CRY2: variants seen among roughly 807,000 people sequenced by gnomAD.
CRY2 encodes cryptochrome-2.
CRY2 carries 31 observed loss-of-function variants against 69.5 expected under a neutral mutation model. The observed-to-expected ratio is 0.45, with a 90% confidence interval of 0.34 to 0.60. The LOEUF is 0.60. Ranked by LOEUF, CRY2 falls within the 20% of genes least tolerant of loss-of-function variation. The pLI, the probability that CRY2 is intolerant of heterozygous loss-of-function variation, is 0.02. For missense variants in CRY2, 606 were observed against 797.8 expected (o/e 0.76, Z 2.90); for synonymous variants, 303 against 312.2 (o/e 0.97, Z 0.31).
intron 3 of CRY2, among the ~76,000 whole-genome samples, chr11:45,860,402 A>AC (rs1379193366): frequency 2.0e-5 from 3 of 151,740 alleles, no homozygotes; most frequent in East Asian, 1.9e-4. Flanking sequence ...AAAAAAAAAA[A>AC]AAAACATGTC....
At chr11:45,870,306 G>A (rs767357262) in intron 8 of CRY2, 24 bp from the exon 9 acceptor site, 1 of 1,614,050 alleles carries the variant, frequency 6.2e-7, no homozygotes, top group South Asian at 1.1e-5. Flanking sequence ...ATGCTGATGG[G>A]TCATCTGGTG....
Position 45,869,737 on chromosome 11 carries a change from A to C in CRY2, c.1114A>C (p.Ile372Leu). The part of the protein sequence containing the change: ...IMTQLRQEGW[I>L]HHLARHAVAC... ...GACCCAACTGAGGCAGGAGGGCTGG[A>C]TCCACCACCTGGCCCGGCATGCCGT... Residue 372 changes from isoleucine to leucine, a missense_variant, in exon 7 of 12, where the codon ATC becomes CTC. Ile to Leu is a conservative substitution (Grantham distance 5). Around this residue, in one of 5 missense-constraint regions of CRY2, gnomAD observed 382 missense variants for 508.9 expected, o/e 0.75. Coordinates refer to ENST00000616080, the MANE Select transcript of CRY2 (RefSeq NM_021117.5). 6.2e-7 allele frequency: 1 copy of C among 1,613,996 alleles called. No homozygotes were observed. Among genetic ancestry groups the C allele is most frequent in the South Asian group, 1.1e-5 (1 of 91,090 alleles).
chr11:45,861,625 A>G, intron 4 of CRY2: 2 of 184,648 alleles, frequency 1.1e-5, no homozygotes, highest in South Asian at 1.1e-4. Flanking sequence ...TATTTTTAGT[A>G]GAGACGGGGT....
chr11:45,859,978 G>A (rs1477720584), intron 3 of CRY2, among the ~76,000 whole-genome samples: 4 of 152,110 alleles, frequency 2.6e-5, no homozygotes, highest in South Asian at 2.1e-4. Context: ...GGCAGCAGCC[G>A]ACCATATATC....
intron 7 of CRY2, 99 bp downstream of exon 7, chr11:45,869,916 G>A (rs2086363139): frequency 6.6e-7 from 1 of 1,517,524 alleles, no homozygotes; most frequent in Non-Finnish European, 8.8e-7. Flanking sequence ...GGATTTCTGG[G>A]TCCAGGAGAT....
At position 45,881,946 on chromosome 11, in the gene CRY2, C is replaced by A. The variant is rs1230811264; in HGVS notation, c.*1035C>A. On this transcript the variant is annotated 3_prime_UTR_variant, in exon 12 of 12. Transcript: ENST00000616080. ...GGGCCTGTCCTGGACTTGTCAGCAT[C>A]CAGACTGCCATGTCAGCTATCCCAG... 2 of 152,282 alleles carry A rather than the reference C, an allele frequency of 1.3e-5. No homozygotes were observed. The highest frequency in any genetic ancestry group is 4.8e-5 in the African/African-American group (2 of 41,472). The allele number at this position is 152,282 out of a possible 1,614,324, so 9.4% of individuals were successfully genotyped here.
intron 11 of CRY2, among the ~76,000 whole-genome samples, chr11:45,880,593 C>A (rs1436278826): frequency 6.6e-6 from 1 of 152,206 alleles, no homozygotes; most frequent in African/African-American, 2.4e-5. Context: ...CTTGTCATAT[C>A]TGAGCAAGTA....
At chr11:45,859,382 G>A (rs2086268598) in intron 3 of CRY2, among the ~76,000 whole-genome samples, 1 of 151,914 alleles carries the variant, frequency 6.6e-6, no homozygotes. Flanking sequence ...GCAACATAGT[G>A]AGACCCCCGT....
intron 5 of CRY2, among the ~76,000 whole-genome samples, chr11:45,864,253 T>C (rs2086312054): frequency 6.6e-6 from 1 of 152,196 alleles, no homozygotes; most frequent in Non-Finnish European, 1.5e-5. Flanking sequence ...CTGGATTCTT[T>C]CCCAGAACAA....
chr11:45,847,445 C>G, upstream of CRY2: 1 of 1,593,810 alleles, frequency 6.3e-7, no homozygotes, highest in Non-Finnish European at 8.5e-7. Context: ...GGGTCCACGT[C>G]GCCTACCGGG....
At chr11:45,865,978 T>G (rs1256277547) in intron 5 of CRY2, among the ~76,000 whole-genome samples, 6 of 152,320 alleles carry the variant, frequency 3.9e-5, no homozygotes, top group African/African-American at 1.4e-4. Context: ...AGTCTAGATA[T>G]GACCTTAGCC....
intron 4 of CRY2, 153 bp from the exon 5 acceptor site, chr11:45,861,907 T>C: frequency 1.5e-6 from 1 of 662,938 alleles, no homozygotes; most frequent in Admixed American, 3.0e-5. Context: ...CAAGTTGACC[T>C]AGAAAACGCT....
upstream of CRY2, chr11:45,847,215 C>A: frequency 1.3e-6 from 2 of 1,549,928 alleles, no homozygotes; most frequent in Non-Finnish European, 1.7e-6. Flanking sequence ...ACAGCCCCAG[C>A]CTGCGGACAG....
In CRY2 at chr11:45,872,131, G is replaced by A. The variant is rs201226401; in HGVS notation, c.1682G>A (p.Arg561His). Residue 561 changes from arginine (R) to histidine (H), a missense_variant, in exon 11 of 12, where the codon CGC becomes CAC. Coordinates refer to ENST00000616080, the MANE Select transcript of CRY2 (RefSeq NM_021117.5). ...PLPSGPASPK[R>H]KLEAAEEPPG... is the part of the protein sequence containing the mutation. Reference sequence around the variant, plus strand: ...CCCAGTGGCCCAGCATCCCCCAAACGCAAGCTGGAAGCAGCCGAGGAACCA... The same window carrying A: ...CCCAGTGGCCCAGCATCCCCCAAACACAAGCTGGAAGCAGCCGAGGAACCA... The A allele has an allele frequency of 1.9e-5, 30 of 1,614,090 alleles. No individual in the cohort carries two copies. The highest frequency in any genetic ancestry group is 2.7e-5 in the African/African-American group (2 of 75,032).
intron 6 of CRY2, 101 bp downstream of exon 6, chr11:45,867,853 G>T: frequency 6.6e-7 from 1 of 1,516,532 alleles, no homozygotes; most frequent in Non-Finnish European, 9.0e-7. Context: ...TGGGGGTTGG[G>T]CTATGGCCCC....
At chr11:45,868,278 C>T (rs534526680) in intron 6 of CRY2, among the ~76,000 whole-genome samples, 6 of 152,136 alleles carry the variant, frequency 3.9e-5, no homozygotes, top group Non-Finnish European at 4.4e-5. Context: ...TTAACTGTCC[C>T]CAGAAGGAGA....
At chr11:45,875,399 T>C (rs2086417588) in intron 11 of CRY2, among the ~76,000 whole-genome samples, 4 of 152,286 alleles carry the variant, frequency 2.6e-5, no homozygotes, top group South Asian at 2.1e-4. Context: ...AATGATCAAA[T>C]TGGCATTTTG....
At chr11:45,880,192 A>G (rs1194024921) in intron 11 of CRY2, among the ~76,000 whole-genome samples, 3 of 152,108 alleles carry the variant, frequency 2.0e-5, no homozygotes, top group South Asian at 2.1e-4. Flanking sequence ...AAACTGCACA[A>G]ACTTTTAATG....
chr11:45,861,010 C>T lies in CRY2; in HGVS notation c.630C>T (p.Gly210=), dbSNP rs199963223. ...EIQENHDETY[G]VPSLEELGFP... The stretch of plus-strand genomic sequence containing the variant: ...AGGAGAACCACGACGAGACCTACGG[C>T]GTGCCCTCCCTGGAGGAGCTGGGTG... The change falls in exon 4 of 12, where the codon GGC becomes GGT. Residue 210 remains glycine, a synonymous_variant. Transcript: ENST00000616080. 31 of 1,613,176 alleles carry T rather than the reference C, an allele frequency of 1.9e-5. No homozygotes were observed. The highest frequency in any genetic ancestry group is 4.0e-5 in the African/African-American group (3 of 74,930).
Sources: allele counts gnomAD v4.1 joint callset (sites outside exome capture counted in the v4.1 genomes callset), GRCh38; gene constraint gnomAD v4.1.1; regional missense constraint gnomAD v4.1.1; transcripts MANE v1.5; gene names NCBI Gene and HGNC (gene_info 2026-07-23, HGNC 2026-07-21).